The following SLC14A2 variants were observed in gnomAD, a reference collection of about 807,000 sequenced individuals.
The protein encoded by SLC14A2 is solute carrier family 14 member 2, also known as urea transporter 2.
In SLC14A2, 91 loss-of-function variants were observed where a neutral mutation model predicts 104.6. That is an observed-to-expected ratio of 0.87 (90% CI 0.73 to 1.04). The LOEUF is 1.04. SLC14A2 is among the 50% of genes least tolerant of loss of function. SLC14A2 has a pLI of 0.00. For synonymous variants in SLC14A2, 476 were observed against 466.4 expected (o/e 1.02, Z -0.27); for missense variants, 1,189 against 1,156.0 (o/e 1.03, Z -0.41).
At chr18:45,224,771 C>G (rs1168414534) in intron 1 of SLC14A2, among the ~76,000 whole-genome samples, 1 of 152,162 alleles carries the variant, frequency 6.6e-6, no homozygotes, top group Non-Finnish European at 1.5e-5. Flanking sequence ...TAGTAAGTGA[C>G]AGACCTGGGA....
At chr18:45,347,999 AC>A (rs1298699136) in intron 1 of SLC14A2, among the ~76,000 whole-genome samples, 1 of 152,308 alleles carries the variant, frequency 6.6e-6, no homozygotes, top group East Asian at 1.9e-4. Flanking sequence ...TTCCCATGGC[AC>A]CTCATACCAG....
At chr18:45,185,645 GA>G in the SLC14A2 span, among the ~76,000 whole-genome samples, 17 of 151,922 alleles carry the variant, frequency 1.1e-4, no homozygotes, top group African/African-American at 4.1e-4. Context: ...TCTAGCCAGT[GA>G]AATATGGCAA....
chr18:45,186,227 A>T, the SLC14A2 span, among the ~76,000 whole-genome samples: 1 of 152,208 alleles, frequency 6.6e-6, no homozygotes, highest in East Asian at 1.9e-4. Context: ...CTCATTATAA[A>T]TCTGTAATAA....
the SLC14A2 span, among the ~76,000 whole-genome samples, chr18:45,187,104 G>T: frequency 9.2e-5 from 14 of 152,248 alleles, 1 homozygote; most frequent in South Asian, 8.3e-4. Context: ...TACTCAAAAA[G>T]TTAAATCACC....
intron 1 of SLC14A2, among the ~76,000 whole-genome samples, chr18:45,468,126 C>G (rs1299206393): frequency 6.6e-6 from 1 of 152,156 alleles, no homozygotes; most frequent in South Asian, 2.1e-4. Flanking sequence ...GAAGGCCAGC[C>G]CTGCAGGAAA....
At chr18:45,351,034 G>A (rs571705774) in intron 1 of SLC14A2, among the ~76,000 whole-genome samples, 7 of 152,192 alleles carry the variant, frequency 4.6e-5, no homozygotes, top group East Asian at 3.9e-4. Flanking sequence ...ACTCCACACC[G>A]TCTCTCCCTT....
chr18:45,628,335 T>C (rs1490439908), intron 4 of SLC14A2, among the ~76,000 whole-genome samples: 1 of 151,762 alleles, frequency 6.6e-6, no homozygotes, highest in South Asian at 2.1e-4. Context: ...TCCCAGCTAC[T>C]TGGGAGGCTG....
the SLC14A2 span, among the ~76,000 whole-genome samples, chr18:45,187,444 C>A: frequency 6.6e-6 from 1 of 152,100 alleles, no homozygotes. Flanking sequence ...AATTGTGGAA[C>A]AATAAAGGTT....
In SLC14A2 at chr18:45,663,679, G is replaced by C. The variant is rs1020174499; in HGVS notation, c.1352-106G>C. On this transcript the variant is annotated intron_variant, in intron 10 of 19. Coordinates refer to ENST00000255226, the MANE Select transcript of SLC14A2 (RefSeq NM_007163.4). Reference sequence around the variant, plus strand: ...GACTACTCCAGCTTCAGGCTTCACTGCTCTCTCCTTTCCAGCATCTGTGTG... The same window carrying C: ...GACTACTCCAGCTTCAGGCTTCACTCCTCTCTCCTTTCCAGCATCTGTGTG... 10 of 1,287,546 alleles carry C rather than the reference G, an allele frequency of 7.8e-6. No homozygotes were observed. In the South Asian group the frequency reaches 1.4e-4, roughly 18 times the overall value. The allele number at this position is 1,287,546 out of a possible 1,614,324, so 79.8% of individuals were successfully genotyped here.
intron 1 of SLC14A2, among the ~76,000 whole-genome samples, chr18:45,345,318 T>G (rs144027879): frequency 1.2e-3 from 186 of 152,186 alleles, no homozygotes; most frequent in Middle Eastern, 3.4e-3. Context: ...TATTGAGAAT[T>G]TACTTTATGT....
chr18:45,544,977 A>G (rs1270923121), intron 2 of SLC14A2, among the ~76,000 whole-genome samples: 3 of 151,794 alleles, frequency 2.0e-5, no homozygotes, highest in Non-Finnish European at 2.9e-5. Context: ...TTTTTAGTAT[A>G]TAGATGGGAT....
At chr18:45,175,298 G>C in the SLC14A2 span, among the ~76,000 whole-genome samples, 1 of 152,084 alleles carries the variant, frequency 6.6e-6, no homozygotes, top group Non-Finnish European at 1.5e-5. Context: ...TTTAAAAAAG[G>C]AAGGAGTTCT....
intron 2 of SLC14A2, among the ~76,000 whole-genome samples, chr18:45,546,469 C>A (rs1162251180): frequency 6.6e-6 from 1 of 152,196 alleles, no homozygotes; most frequent in African/African-American, 2.4e-5. Flanking sequence ...ATGCTTTTAC[C>A]TCTCTTTGTC....
chr18:45,634,107 C>T (rs1292926928), intron 5 of SLC14A2, among the ~76,000 whole-genome samples: 1 of 152,178 alleles, frequency 6.6e-6, no homozygotes, highest in South Asian at 2.1e-4. Context: ...CAAAAAAACA[C>T]TGAGCACCCC....
At chr18:45,543,622 A>G (rs556543174) in intron 2 of SLC14A2, among the ~76,000 whole-genome samples, 5 of 152,288 alleles carry the variant, frequency 3.3e-5, no homozygotes, top group Admixed American at 2.0e-4. Flanking sequence ...CATTGGCTAC[A>G]CCTGTAACCC....
At chr18:45,530,817 T>C (rs961881350) in intron 2 of SLC14A2, among the ~76,000 whole-genome samples, 2 of 152,126 alleles carry the variant, frequency 1.3e-5, no homozygotes, top group African/African-American at 4.8e-5. Context: ...TCATTTAGCA[T>C]TAGGTATATC....
At chr18:45,633,594 C>T (rs1392846966) in intron 5 of SLC14A2, among the ~76,000 whole-genome samples, 1 of 152,208 alleles carries the variant, frequency 6.6e-6, no homozygotes, top group Non-Finnish European at 1.5e-5. Context: ...CATGGTGAAC[C>T]TTTGTCCCCC....
intron 2 of SLC14A2, among the ~76,000 whole-genome samples, chr18:45,515,946 A>G (rs999919557): frequency 1.3e-5 from 2 of 152,238 alleles, no homozygotes; most frequent in Non-Finnish European, 2.9e-5. Context: ...TGTGGTAACT[A>G]TAGGAATTAC....
chr18:45,522,942 G>A (rs917903162), intron 2 of SLC14A2, among the ~76,000 whole-genome samples: 4 of 152,186 alleles, frequency 2.6e-5, no homozygotes, highest in African/African-American at 9.7e-5. Flanking sequence ...TTTCTGCTAA[G>A]TTCCAACGCA....
Sources: gnomAD v4.1 joint callset for allele counts (sites outside exome capture counted in the v4.1 genomes callset) on GRCh38, gnomAD v4.1.1 for gene constraint, MANE v1.5 for transcripts, NCBI Gene and HGNC (gene_info 2026-07-23, HGNC 2026-07-21) for gene names.